Variants in IQCM observed in about 807,000 individuals in gnomAD.
The protein encoded by IQCM is IQ motif containing M, also known as IQ domain-containing protein M.
IQCM carries 45 observed loss-of-function variants against 57.6 expected under a neutral mutation model. The observed-to-expected ratio is 0.78, with a 90% CI of 0.62 to 1.00. IQCM has a LOEUF of 1.00. IQCM is among the 50% of genes least tolerant of loss of function. The pLI is 0.00. For missense variants in IQCM, 468 were observed against 511.6 expected (o/e 0.91, Z 0.82); for synonymous variants, 148 against 158.9 (o/e 0.93, Z 0.51).
chr4:149,429,537 G>T (rs1374607701), intron 13 of IQCM, among the ~76,000 whole-genome samples: 1 of 151,756 alleles, frequency 6.6e-6, no homozygotes, highest in East Asian at 1.9e-4. Flanking sequence ...CCTAATACTA[G>T]GTAATTTGTT....
intron 12 of IQCM, among the ~76,000 whole-genome samples, chr4:149,520,112 A>T (rs1227823633): frequency 6.6e-6 from 1 of 152,234 alleles, no homozygotes; most frequent in Non-Finnish European, 1.5e-5. Flanking sequence ...GTAGGGTAAT[A>T]ATGGTTAACA....
chr4:149,720,892 C>T (rs1765387374), intron 5 of IQCM, among the ~76,000 whole-genome samples: 1 of 152,172 alleles, frequency 6.6e-6, no homozygotes, highest in Non-Finnish European at 1.5e-5. Context: ...TCAAATTATT[C>T]TGTGACACCA....
At chr4:149,575,099 C>G (rs1352861036) in intron 9 of IQCM, among the ~76,000 whole-genome samples, 3 of 151,900 alleles carry the variant, frequency 2.0e-5, no homozygotes, top group African/African-American at 7.2e-5. Flanking sequence ...CTGCTGCTAC[C>G]AAGCTGTGTC....
chr4:149,676,460 C>G (rs987889671), intron 7 of IQCM, among the ~76,000 whole-genome samples: 27 of 151,986 alleles, frequency 1.8e-4, no homozygotes, highest in African/African-American at 5.1e-4. Context: ...TATGGTAGCT[C>G]AATTTTATTA....
chr4:149,692,965 T>C (rs775491743), intron 5 of IQCM, among the ~76,000 whole-genome samples: 1 of 152,158 alleles, frequency 6.6e-6, no homozygotes, highest in Non-Finnish European at 1.5e-5. Context: ...GCAAAAGGAA[T>C]GTAAGGCATT....
At chr4:149,613,660 C>T (rs1335455880) in intron 8 of IQCM, among the ~76,000 whole-genome samples, 1 of 151,832 alleles carries the variant, frequency 6.6e-6, no homozygotes, top group African/African-American at 2.4e-5. Flanking sequence ...TGTTGGTGTG[C>T]TGCACCCATT....
intron 6 of IQCM, among the ~76,000 whole-genome samples, chr4:149,684,091 A>G (rs1183936807): frequency 6.6e-6 from 1 of 151,372 alleles, no homozygotes; most frequent in Non-Finnish European, 1.5e-5. Flanking sequence ...ATAAGTGATT[A>G]ATAAATGCAT....
chr4:149,418,862 G>A (rs540808789), intron 13 of IQCM, among the ~76,000 whole-genome samples: 54 of 152,202 alleles, frequency 3.5e-4, no homozygotes, highest in African/African-American at 1.3e-3. Context: ...GGCAAGCAGA[G>A]AAACCAACCA....
At chr4:149,354,375 A>AAAAAAAAAAAC (rs1728799293) in intron 13 of IQCM, among the ~76,000 whole-genome samples, 1 of 135,070 alleles carries the variant, frequency 7.4e-6, no homozygotes, top group African/African-American at 2.7e-5. Context: ...AAAAAAAAAA[A>AAAAAAAAAAAC]AAAAAAAAAA....
chr4:149,759,324 G>T (rs926969569), intron 2 of IQCM, among the ~76,000 whole-genome samples: 1 of 152,088 alleles, frequency 6.6e-6, no homozygotes, highest in African/African-American at 2.4e-5. Flanking sequence ...ACCACGTAAC[G>T]GTGAATACAT....
intron 13 of IQCM, among the ~76,000 whole-genome samples, chr4:149,389,465 C>G (rs536266993): frequency 6.6e-6 from 1 of 151,598 alleles, no homozygotes; most frequent in Non-Finnish European, 1.5e-5. Context: ...ACCCAAATGT[C>G]CAACAATGAT....
chr4:149,712,975 C>T (rs1412921363), intron 5 of IQCM, among the ~76,000 whole-genome samples: 4 of 151,820 alleles, frequency 2.6e-5, no homozygotes, highest in Non-Finnish European at 5.9e-5. Context: ...TATAAAGATC[C>T]TGGCTAGCCA....
intron 5 of IQCM, among the ~76,000 whole-genome samples, chr4:149,703,554 A>G (rs1423515880): frequency 1.3e-5 from 2 of 151,910 alleles, no homozygotes; most frequent in African/African-American, 4.8e-5. Context: ...CTTTCAGGCT[A>G]CCCTGTTTAC....
At chr4:149,556,080 T>A (rs1398377481) in intron 10 of IQCM, among the ~76,000 whole-genome samples, 1 of 152,210 alleles carries the variant, frequency 6.6e-6, no homozygotes, top group East Asian at 1.9e-4. Flanking sequence ...CATGTAAATC[T>A]TTCACTATAA....
At chr4:149,471,720 C>T (rs1477594803) in intron 12 of IQCM, among the ~76,000 whole-genome samples, 1 of 152,162 alleles carries the variant, frequency 6.6e-6, no homozygotes, top group Admixed American at 6.5e-5. Context: ...CAAAAATCCT[C>T]AATAAAATAC....
chr4:149,801,230 CAATAACA>C (rs1773575301), intron 2 of IQCM, among the ~76,000 whole-genome samples: 1 of 151,690 alleles, frequency 6.6e-6, no homozygotes, highest in Non-Finnish European at 1.5e-5. Context: ...AAAAGACAGG[CAATAACA>C]AATTCTGGTG....
At position 149,741,583 on chromosome 4, in the gene IQCM, A is replaced by G. The variant is rs145132830; in HGVS notation, c.37+1072T>C. Reference sequence around the variant, plus strand: ...GTTAAAGTGATCATCACAGAGCTCTATTGGCAGCCCTGGGCAGATGCTTGC... The same window carrying G: ...GTTAAAGTGATCATCACAGAGCTCTGTTGGCAGCCCTGGGCAGATGCTTGC... On this transcript the variant is annotated intron_variant, in intron 3 of 13. Transcript: ENST00000636793. Among the ~76,000 whole-genome samples the G allele has an allele frequency of 4.6e-5, 7 of 152,266 alleles. No homozygotes were observed. In the East Asian group the frequency reaches 1.4e-3, roughly 29 times the overall value.
intron 7 of IQCM, among the ~76,000 whole-genome samples, chr4:149,669,691 A>G (rs996235154): frequency 1.3e-5 from 2 of 152,206 alleles, no homozygotes; most frequent in Non-Finnish European, 2.9e-5. Flanking sequence ...AGCTTTCTAC[A>G]TATGGCTAGC....
intron 12 of IQCM, among the ~76,000 whole-genome samples, chr4:149,538,332 TTAAAA>T (rs1364990127): frequency 1.3e-5 from 2 of 151,752 alleles, no homozygotes; most frequent in African/African-American, 4.8e-5. Context: ...TTGGAATAAA[TTAAAA>T]TGTATATTGC....
Sources: allele counts gnomAD v4.1 joint callset (sites outside exome capture counted in the v4.1 genomes callset), GRCh38; gene constraint gnomAD v4.1.1; transcripts MANE v1.5; gene names NCBI Gene and HGNC (gene_info 2026-07-23, HGNC 2026-07-21).